Variants in KDM2A observed in about 807,000 individuals in gnomAD.
KDM2A encodes lysine-specific demethylase 2A.
Under a neutral mutation model 137.3 loss-of-function variants are expected in KDM2A, and 3 were observed. The ratio of observed to expected loss-of-function variants is 0.02; its 90% CI spans 0.01 to 0.06. KDM2A has a LOEUF of 0.06. Ranked by LOEUF, KDM2A falls within the 10% of genes least tolerant of loss-of-function variation. The pLI, the probability that KDM2A is intolerant of heterozygous loss-of-function variation, is 1.00. For missense variants in KDM2A, 738 were observed against 1,510.6 expected (o/e 0.49, Z 8.48); for synonymous variants, 512 against 541.5 (o/e 0.95, Z 0.76).
intron 2 of KDM2A, among the ~76,000 whole-genome samples, chr11:67,129,564 C>G (rs1478682748): frequency 6.6e-6 from 1 of 151,994 alleles, no homozygotes; most frequent in Non-Finnish European, 1.5e-5. Context: ...GAAACCCCGT[C>G]TCTACTAAAA....
At chr11:67,247,648 C>T (rs905373811) in intron 15 of KDM2A, among the ~76,000 whole-genome samples, 7 of 152,036 alleles carry the variant, frequency 4.6e-5, no homozygotes, top group African/African-American at 1.7e-4. Flanking sequence ...TGGTCTTGAA[C>T]TCCTGGCATC....
intron 11 of KDM2A, 85 bp from the exon 12 acceptor site, chr11:67,231,481 A>G (rs1858718581): frequency 1.6e-6 from 2 of 1,235,464 alleles, no homozygotes; most frequent in Non-Finnish European, 2.2e-6. Flanking sequence ...TATAGCCTCA[A>G]GGCCCCTATC....
chr11:67,247,938 T>C, intron 15 of KDM2A, among the ~76,000 whole-genome samples: 1 of 152,192 alleles, frequency 6.6e-6, no homozygotes, highest in Non-Finnish European at 1.5e-5. Flanking sequence ...CACAACCCTA[T>C]AAGGTGGGTT....
chr11:67,139,673 C>G (rs1001543441), intron 2 of KDM2A, among the ~76,000 whole-genome samples: 6 of 152,042 alleles, frequency 3.9e-5, no homozygotes, highest in Non-Finnish European at 5.9e-5. Context: ...GCCACCACGA[C>G]TGGCCCAAAG....
chr11:67,132,474 G>A (rs911917233), intron 2 of KDM2A, among the ~76,000 whole-genome samples: 8 of 151,960 alleles, frequency 5.3e-5, no homozygotes, highest in Non-Finnish European at 8.8e-5. Context: ...TAGTAGAGAC[G>A]GGGTCTCAAC....
At chr11:67,202,312 A>G (rs1310960905) in intron 5 of KDM2A, among the ~76,000 whole-genome samples, 3 of 152,226 alleles carry the variant, frequency 2.0e-5, no homozygotes, top group Non-Finnish European at 4.4e-5. Flanking sequence ...AGGATATTAC[A>G]TAAAGTGAGT....
At chr11:67,178,411 T>C (rs1215838982) in intron 2 of KDM2A, among the ~76,000 whole-genome samples, 3 of 151,870 alleles carry the variant, frequency 2.0e-5, no homozygotes, top group Non-Finnish European at 2.9e-5. Flanking sequence ...TCTCAGAAAA[T>C]AAAAAATAAA....
chr11:67,168,582 TACACACACAC>T (rs71056179), intron 2 of KDM2A, among the ~76,000 whole-genome samples: 8 of 34,002 alleles, frequency 2.4e-4, no homozygotes, highest in Middle Eastern at 0.021. Context: ...GTATGAATTA[TACACACACAC>T]ACACACACAC....
At chr11:67,202,190 CA>C (rs1374689608) in intron 5 of KDM2A, among the ~76,000 whole-genome samples, 1 of 152,034 alleles carries the variant, frequency 6.6e-6, no homozygotes, top group Admixed American at 6.6e-5. Flanking sequence ...GAAACTTGAG[CA>C]GATGGAAGAG....
chr11:67,138,612 G>A (rs990163219), intron 2 of KDM2A, among the ~76,000 whole-genome samples: 20 of 152,090 alleles, frequency 1.3e-4, no homozygotes, highest in Non-Finnish European at 1.5e-4. Flanking sequence ...AAAATCCCAT[G>A]TCTACCAAAA....
chr11:67,230,931 CAAA>C (rs879813930), intron 11 of KDM2A, among the ~76,000 whole-genome samples: 1 of 137,720 alleles, frequency 7.3e-6, no homozygotes, highest in African/African-American at 2.7e-5. Flanking sequence ...AAACTTCAGA[CAAA>C]AAAAAAAAGT....
At chr11:67,195,235 G>C (rs1857447919) in intron 5 of KDM2A, among the ~76,000 whole-genome samples, 1 of 151,930 alleles carries the variant, frequency 6.6e-6, no homozygotes, top group Non-Finnish European at 1.5e-5. Flanking sequence ...CGGGCGTGGT[G>C]GCGCATGCCT....
In KDM2A at chr11:67,255,237, C is replaced by T. The variant is rs1252198272; in HGVS notation, c.*182C>T. 1 of 607,636 alleles carries T rather than the reference C, an allele frequency of 1.6e-6. No individual in the cohort carries two copies. Among genetic ancestry groups the T allele is most frequent in the African/African-American group, 1.8e-5 (1 of 54,148 alleles). 37.6% of individuals were successfully genotyped at this position (607,636 alleles called of 1,614,324 possible). ...GGGTGGTGGACACCAGGCTTATCTG[C>T]CTGCTCCTCTCCCTCCTAAGGAAAA... On this transcript the variant is annotated 3_prime_UTR_variant, in exon 21 of 21. Transcript: ENST00000529006.
intron 2 of KDM2A, among the ~76,000 whole-genome samples, chr11:67,138,039 G>A (rs1037925574): frequency 5.3e-5 from 8 of 151,934 alleles, no homozygotes; most frequent in South Asian, 4.2e-4. Flanking sequence ...CTTGTGATTC[G>A]CCTGCCTCAG....
intron 2 of KDM2A, among the ~76,000 whole-genome samples, chr11:67,156,555 G>GA (rs1355603427): frequency 6.6e-6 from 1 of 151,126 alleles, no homozygotes; most frequent in Non-Finnish European, 1.5e-5. Context: ...GTCTCTACTA[G>GA]AAAAATACAG....
chr11:67,128,339 TCTGA>T (rs1855778605), intron 2 of KDM2A, among the ~76,000 whole-genome samples: 1 of 152,082 alleles, frequency 6.6e-6, no homozygotes, highest in Non-Finnish European at 1.5e-5. Context: ...CTGAGGTCTT[TCTGA>T]CTGAGAATGG....
intron 2 of KDM2A, among the ~76,000 whole-genome samples, chr11:67,127,961 C>T (rs76527041): frequency 8.1e-5 from 12 of 148,134 alleles, no homozygotes; most frequent in East Asian, 4.0e-4. Flanking sequence ...CTGCCTGCCT[C>T]GGCTTCCCAA....
At chr11:67,209,319 A>T (rs1328120357) in intron 6 of KDM2A, among the ~76,000 whole-genome samples, 1 of 152,160 alleles carries the variant, frequency 6.6e-6, no homozygotes. Flanking sequence ...TAGCCTTCTT[A>T]TTAGCCTAAT....
intron 12 of KDM2A, among the ~76,000 whole-genome samples, chr11:67,232,641 C>CCTT (rs1274292114): frequency 6.6e-6 from 1 of 150,576 alleles, no homozygotes; most frequent in Non-Finnish European, 1.5e-5. Flanking sequence ...CTCCAGCTCC[C>CCTT]CTTCATATTG....
Sources: gnomAD v4.1 joint callset for allele counts (sites outside exome capture counted in the v4.1 genomes callset) on GRCh38, gnomAD v4.1.1 for gene constraint, MANE v1.5 for transcripts, NCBI Gene and HGNC (gene_info 2026-07-23, HGNC 2026-07-21) for gene names.